Variants in ENOX1 observed in about 807,000 individuals in gnomAD.
ENOX1 encodes candidate growth-related and time keeping constitutive hydroquinone (NADH) oxidase.
Under a neutral mutation model 82.5 loss-of-function variants are expected in ENOX1, and 42 were observed. The ratio of observed to expected loss-of-function variants is 0.51; its 90% CI spans 0.40 to 0.66. The LOEUF (loss-of-function observed/expected upper bound fraction) is 0.66, where lower values mean the gene tolerates loss of function less well. Ranked by LOEUF, ENOX1 falls within the 30% of genes least tolerant of loss-of-function variation. The probability of loss-of-function intolerance (pLI) is 0.00; values close to 1 mark genes in which losing one functional copy is unlikely to be tolerated. For missense variants in ENOX1, 608 were observed against 811.6 expected (o/e 0.75, Z 3.05); for synonymous variants, 271 against 282.2 (o/e 0.96, Z 0.40).
intron 5 of ENOX1, among the ~76,000 whole-genome samples, chr13:43,397,854 C>T (rs2053247342): frequency 6.6e-6 from 1 of 152,198 alleles, no homozygotes; most frequent in South Asian, 2.1e-4. Flanking sequence ...ACAAATACTA[C>T]AGACTAGGTA....
rs538545820 is a variant in ENOX1 at position 43,464,294 on chromosome 13, G to C, written c.-75+19715C>G. Among the ~76,000 whole-genome samples, 6 of 152,334 alleles carry C rather than the reference G, an allele frequency of 3.9e-5. No individual in the cohort carries two copies. The South Asian group carries it at 1.2e-3, about 32-fold the overall frequency. ...ATACAGAAATAAATATAGGAGGCAAGAGGTCAACAGATGATGAAGATGAAA... is the reference window on the plus strand; with the variant it reads ...ATACAGAAATAAATATAGGAGGCAACAGGTCAACAGATGATGAAGATGAAA... On this transcript the variant is annotated intron_variant, in intron 3 of 16. Coordinates refer to ENST00000690772, the MANE Select transcript of ENOX1 (RefSeq NM_001347969.2).
At chr13:43,363,770 T>A (rs1455361371) in intron 5 of ENOX1, among the ~76,000 whole-genome samples, 1 of 152,228 alleles carries the variant, frequency 6.6e-6, no homozygotes, top group Non-Finnish European at 1.5e-5. Flanking sequence ...GCCCAGTGCT[T>A]GCATTCTCTT....
At chr13:43,760,401 A>AAGACACAGAACTCTCTGAGGGATGTAG (rs1950896298) in intron 1 of ENOX1, among the ~76,000 whole-genome samples, 1 of 152,142 alleles carries the variant, frequency 6.6e-6, no homozygotes, top group Non-Finnish European at 1.5e-5. Context: ...TTATACCAGG[A>AAGACACAGAACTCTCTGAGGGATGTAG]AGACACAGAA....
intron 2 of ENOX1, among the ~76,000 whole-genome samples, chr13:43,574,268 C>A (rs944139235): frequency 6.6e-6 from 1 of 152,068 alleles, no homozygotes; most frequent in Non-Finnish European, 1.5e-5. Flanking sequence ...AAACAAGAGG[C>A]CACGCGAAGG....
Position 43,314,488 on chromosome 13 carries a change from T to C in ENOX1, c.1261+7896A>G, listed in dbSNP as rs1420235999. Among the ~76,000 whole-genome samples the C allele has an allele frequency of 3.9e-5, 6 of 152,262 alleles. No individual in the cohort carries two copies. In the East Asian group the frequency reaches 1.2e-3, roughly 29 times the overall value. On this transcript the variant is annotated intron_variant, in intron 11 of 16. Coordinates refer to ENST00000690772, the MANE Select transcript of ENOX1 (RefSeq NM_001347969.2). ...AAGTCTTCGATTAACGAAGCTCATG[T>C]GCAACAGTGTTAGGAGTCAAGGTAT...
chr13:43,752,551 T>C (rs1950377640), intron 1 of ENOX1, among the ~76,000 whole-genome samples: 1 of 152,240 alleles, frequency 6.6e-6, no homozygotes, highest in African/African-American at 2.4e-5. Context: ...CATTTTTGTA[T>C]ATATTATAAA....
At chr13:43,641,114 C>T (rs1433994689) in intron 2 of ENOX1, among the ~76,000 whole-genome samples, 4 of 152,106 alleles carry the variant, frequency 2.6e-5, no homozygotes, top group Admixed American at 2.6e-4. Context: ...AATAAATATA[C>T]ATCAAATATT....
chr13:43,257,408 G>A lies in ENOX1; in HGVS notation c.1611+7990C>T, dbSNP rs78479392. On this transcript the variant is annotated intron_variant, in intron 14 of 16. Transcript: ENST00000690772. ...AAATATCACAGGTACCTGAAAATACGTACATCTATTATGCACTGATAAAAT... is the reference window on the plus strand; with the variant it reads ...AAATATCACAGGTACCTGAAAATACATACATCTATTATGCACTGATAAAAT... 9.4e-3 allele frequency among the ~76,000 whole-genome samples: 1,424 copies of A among 152,104 alleles called. 69 individuals carry two copies. Among genetic ancestry groups the A allele is most frequent in the Admixed American group, 0.078 (1,195 of 15,268 alleles).
At chr13:43,593,379 G>A (rs1041058545) in intron 2 of ENOX1, among the ~76,000 whole-genome samples, 2 of 152,066 alleles carry the variant, frequency 1.3e-5, no homozygotes, top group Non-Finnish European at 2.9e-5. Flanking sequence ...ACCTTGAGAA[G>A]CCACTGCAGG....
chr13:43,265,942 G>C (rs1457412620), intron 13 of ENOX1, among the ~76,000 whole-genome samples: 1 of 152,304 alleles, frequency 6.6e-6, no homozygotes, highest in African/African-American at 2.4e-5. Context: ...TGACATCTCT[G>C]GAGGACTAAA....
chr13:43,672,370 T>C (rs2085309435), intron 1 of ENOX1, among the ~76,000 whole-genome samples: 1 of 152,232 alleles, frequency 6.6e-6, no homozygotes, highest in African/African-American at 2.4e-5. Flanking sequence ...CGTTAGATAA[T>C]ATTCCCTTTA....
At chr13:43,687,696 T>A (rs1195237861) in intron 1 of ENOX1, among the ~76,000 whole-genome samples, 1 of 152,166 alleles carries the variant, frequency 6.6e-6, no homozygotes, top group African/African-American at 2.4e-5. Context: ...GGCTGGATAT[T>A]CAGCAAGACT....
chr13:43,227,519 A>G (rs888505935), intron 15 of ENOX1, among the ~76,000 whole-genome samples: 1 of 152,212 alleles, frequency 6.6e-6, no homozygotes, highest in Non-Finnish European at 1.5e-5. Context: ...TCTTTCAAAA[A>G]CCAGGTAACT....
intron 9 of ENOX1, among the ~76,000 whole-genome samples, chr13:43,331,519 C>T (rs1459479664): frequency 6.6e-6 from 1 of 152,122 alleles, no homozygotes; most frequent in Non-Finnish European, 1.5e-5. Flanking sequence ...TAAGGGATAA[C>T]ATTTTCCCAA....
chr13:43,667,904 G>C (rs780912881), intron 1 of ENOX1, among the ~76,000 whole-genome samples: 1 of 152,208 alleles, frequency 6.6e-6, no homozygotes, highest in Non-Finnish European at 1.5e-5. Flanking sequence ...AAAGCTGTGT[G>C]TTAATTAATG....
At chr13:43,459,718 G>A (rs1205654175) in intron 3 of ENOX1, among the ~76,000 whole-genome samples, 1 of 152,156 alleles carries the variant, frequency 6.6e-6, no homozygotes, top group East Asian at 1.9e-4. Context: ...CCTCTGCTGG[G>A]TGCGGTGGCT....
intron 12 of ENOX1, among the ~76,000 whole-genome samples, chr13:43,282,984 G>A (rs2045482544): frequency 6.6e-6 from 1 of 151,872 alleles, no homozygotes; most frequent in Non-Finnish European, 1.5e-5. Flanking sequence ...CTCGGGAGCT[G>A]AGGCAGGAGA....
At chr13:43,770,365 T>C (rs1365897027) in intron 1 of ENOX1, among the ~76,000 whole-genome samples, 1 of 152,216 alleles carries the variant, frequency 6.6e-6, no homozygotes, top group Non-Finnish European at 1.5e-5. Flanking sequence ...GCAGAAATTT[T>C]GCTACCATTA....
Position 43,412,872 on chromosome 13 carries a change from G to T in ENOX1, c.43C>A (p.Gln15Lys). The change falls in exon 4 of 17, where the codon CAG (glutamine) becomes AAG (lysine). Residue 15 changes from glutamine (Q) to lysine (K), a missense_variant. Coordinates refer to ENST00000690772, the MANE Select transcript of ENOX1 (RefSeq NM_001347969.2). ...GGVENITQLP[Q>K]ELPQMMAAAA... ...GCAGCCATCATCTGAGGAAGCTCCT[G>T]GGGAAGCTGGGTGATGTTCTCAACT... 1 of 1,614,044 alleles carries T rather than the reference G, an allele frequency of 6.2e-7. No individual in the cohort carries two copies. Among genetic ancestry groups the T allele is most frequent in the South Asian group, 1.1e-5 (1 of 91,074 alleles).
Sources: allele counts gnomAD v4.1 joint callset (sites outside exome capture counted in the v4.1 genomes callset), GRCh38; gene constraint gnomAD v4.1.1; transcripts MANE v1.5; gene names NCBI Gene and HGNC (gene_info 2026-07-23, HGNC 2026-07-21).